Variants in CSMD1 observed in about 807,000 individuals in gnomAD.
CSMD1 encodes CUB and Sushi multiple domains 1, also known as CUB and sushi domain-containing protein 1.
Under a neutral mutation model 417.5 loss-of-function variants are expected in CSMD1, and 213 were observed. The ratio of observed to expected loss-of-function variants is 0.51; its 90% CI spans 0.46 to 0.57. CSMD1 has a LOEUF of 0.57. Ranked by LOEUF, CSMD1 falls within the 20% of genes least tolerant of loss-of-function variation. The pLI is 0.00. For synonymous variants in CSMD1, 2,862 were observed against 1,736.8 expected (o/e 1.65, Z -16.11); for missense variants, 6,923 against 4,529.7 (o/e 1.53, Z -15.17).
chr8:3,340,578 A>T (rs988825760), intron 23 of CSMD1, among the ~76,000 whole-genome samples: 1 of 152,234 alleles, frequency 6.6e-6, no homozygotes, highest in African/African-American at 2.4e-5. Context: ...CTTAAGCATA[A>T]ATAACTTGCG....
rs141405591 is a variant in CSMD1 at position 4,916,752 on chromosome 8, G to C, written c.85+77580C>G. ...TCGCAAAGAATAAATAGGTATCAAG[G>C]TTCATATTTTAACAAAGTGACAGCT... On this transcript the variant is annotated intron_variant, in intron 1 of 69. Coordinates refer to ENST00000635120, the MANE Select transcript of CSMD1 (RefSeq NM_033225.6). Among the ~76,000 whole-genome samples, 539 of 152,260 alleles carry C rather than the reference G, an allele frequency of 3.5e-3. 6 individuals carry two copies. Among genetic ancestry groups the C allele is most frequent in the African/African-American group, 0.012 (497 of 41,548 alleles).
Position 3,559,583 on chromosome 8 carries a change from T to C in CSMD1, c.1344+15362A>G, listed in dbSNP as rs534806756. On this transcript the variant is annotated intron_variant, in intron 10 of 69. Transcript: ENST00000635120. Reference sequence around the variant, plus strand: ...GTTTTTGTGTTTATAAACACAGAGATACAAGTCTTAAAAATAAGTACCCAC... The same window carrying C: ...GTTTTTGTGTTTATAAACACAGAGACACAAGTCTTAAAAATAAGTACCCAC... Among the ~76,000 whole-genome samples the C allele has an allele frequency of 1.4e-3, 219 of 152,260 alleles. 2 individuals are homozygous for C. The Middle Eastern group carries it at 0.034, about 24-fold the overall frequency.
intron 26 of CSMD1, among the ~76,000 whole-genome samples, chr8:3,271,351 C>T (rs552500222): frequency 1.3e-5 from 2 of 151,956 alleles, no homozygotes; most frequent in South Asian, 4.2e-4. Context: ...GGGTTGGTTC[C>T]AAGTCTTTGC....
intron 7 of CSMD1, among the ~76,000 whole-genome samples, chr8:3,699,262 C>A (rs1348007788): frequency 6.6e-6 from 1 of 152,232 alleles, no homozygotes; most frequent in Non-Finnish European, 1.5e-5. Context: ...CACCTTGTGA[C>A]AGAAACTTGA....
chr8:4,329,469 G>A (rs1379952215), intron 3 of CSMD1, among the ~76,000 whole-genome samples: 1 of 152,032 alleles, frequency 6.6e-6, no homozygotes, highest in Non-Finnish European at 1.5e-5. Context: ...TGTATTTTCA[G>A]GATAGACGGC....
At chr8:4,035,925 C>T (rs1797592660) in intron 3 of CSMD1, among the ~76,000 whole-genome samples, 1 of 152,226 alleles carries the variant, frequency 6.6e-6, no homozygotes, top group African/African-American at 2.4e-5. Flanking sequence ...CCCAGAGCAA[C>T]TTCCAGCCCC....
chr8:3,312,095 TCTC>T (rs755225642), intron 23 of CSMD1, among the ~76,000 whole-genome samples: 5 of 152,184 alleles, frequency 3.3e-5, no homozygotes, highest in Admixed American at 1.3e-4. Flanking sequence ...TTTCCACTCT[TCTC>T]CAAAAAAAAC....
chr8:3,857,134 T>A (rs1272689257), intron 5 of CSMD1, among the ~76,000 whole-genome samples: 1 of 152,128 alleles, frequency 6.6e-6, no homozygotes, highest in East Asian at 1.9e-4. Flanking sequence ...AAGACAAAGT[T>A]GTCTACGAAG....
chr8:4,067,340 T>A (rs1273438713), intron 3 of CSMD1, among the ~76,000 whole-genome samples: 1 of 152,258 alleles, frequency 6.6e-6, no homozygotes, highest in Non-Finnish European at 1.5e-5. Context: ...AAGTAAGGTA[T>A]AATTCAGGGA....
At chr8:4,498,022 G>C (rs1802062941) in intron 2 of CSMD1, among the ~76,000 whole-genome samples, 1 of 152,102 alleles carries the variant, frequency 6.6e-6, no homozygotes, top group African/African-American at 2.4e-5. Context: ...CGCAGCCCCA[G>C]GCTTCATTGT....
At chr8:3,270,283 C>G (rs542398947) in intron 26 of CSMD1, among the ~76,000 whole-genome samples, 2 of 152,134 alleles carry the variant, frequency 1.3e-5, no homozygotes, top group Admixed American at 6.5e-5. Flanking sequence ...GCCTTGAACT[C>G]CTGACCTTGT....
intron 1 of CSMD1, among the ~76,000 whole-genome samples, chr8:4,925,571 G>C (rs1230040942): frequency 6.7e-6 from 1 of 150,100 alleles, no homozygotes; most frequent in African/African-American, 2.5e-5. Context: ...TTTTGAGACG[G>C]AGTCTCGCTC....
chr8:4,534,692 G>A (rs985216958), intron 2 of CSMD1, among the ~76,000 whole-genome samples: 1 of 152,064 alleles, frequency 6.6e-6, no homozygotes, highest in African/African-American at 2.4e-5. Context: ...TGTGGTATTT[G>A]GTATTCGGTC....
intron 1 of CSMD1, among the ~76,000 whole-genome samples, chr8:4,838,285 C>T (rs1197441922): frequency 1.3e-5 from 2 of 152,108 alleles, no homozygotes; most frequent in East Asian, 1.9e-4. Flanking sequence ...TGTCAGGAGA[C>T]GTCAGTCACT....
intron 7 of CSMD1, among the ~76,000 whole-genome samples, chr8:3,667,986 A>C (rs1461667320): frequency 6.6e-6 from 1 of 152,062 alleles, no homozygotes; most frequent in Non-Finnish European, 1.5e-5. Flanking sequence ...CCCAATCCCG[A>C]TCAATATGAG....
intron 3 of CSMD1, among the ~76,000 whole-genome samples, chr8:4,112,806 T>C (rs1251311348): frequency 6.6e-6 from 1 of 152,218 alleles, no homozygotes; most frequent in Non-Finnish European, 1.5e-5. Flanking sequence ...CACACAGACA[T>C]AACTTTTGTT....
intron 1 of CSMD1, among the ~76,000 whole-genome samples, chr8:4,926,105 G>C (rs574975054): frequency 1.3e-5 from 2 of 152,224 alleles, no homozygotes; most frequent in South Asian, 4.1e-4. Flanking sequence ...TTTATTAAAA[G>C]AACATATTTT....
intron 3 of CSMD1, among the ~76,000 whole-genome samples, chr8:4,128,180 T>A (rs1047607002): frequency 6.6e-6 from 1 of 151,394 alleles, no homozygotes; most frequent in Non-Finnish European, 1.5e-5. Flanking sequence ...CGGGGACCCC[T>A]GCGGAAAAAG....
At chr8:3,000,609 G>T (rs779585498) in intron 52 of CSMD1, among the ~76,000 whole-genome samples, 1 of 152,162 alleles carries the variant, frequency 6.6e-6, no homozygotes, top group Non-Finnish European at 1.5e-5. Context: ...ACAGGGATCA[G>T]AGAATAAGTT....
Sources: allele counts gnomAD v4.1 joint callset (sites outside exome capture counted in the v4.1 genomes callset), GRCh38; gene constraint gnomAD v4.1.1; transcripts MANE v1.5; gene names NCBI Gene and HGNC (gene_info 2026-07-23, HGNC 2026-07-21).